Variants in NRAP observed in about 807,000 individuals in gnomAD.
NRAP encodes nebulin related anchoring protein.
NRAP carries 189 observed loss-of-function variants against 225.9 expected under a neutral mutation model. That is an observed-to-expected ratio of 0.84 (90% CI 0.74 to 0.94). The LOEUF is 0.94. Ranked by LOEUF, NRAP falls within the 40% of genes least tolerant of loss-of-function variation. The pLI, the probability that NRAP is intolerant of heterozygous loss-of-function variation, is 0.00. For synonymous variants in NRAP, 769 were observed against 790.7 expected (o/e 0.97, Z 0.46); for missense variants, 2,176 against 2,168.7 (o/e 1.00, Z -0.07).
chr10:113,589,958 C>T (rs1372709234), intron 40 of NRAP, among the ~76,000 whole-genome samples, 161 bp from the exon 41 acceptor site: 3 of 152,226 alleles, frequency 2.0e-5, no homozygotes, highest in Admixed American at 2.0e-4. Context: ...AGCAGCATCT[C>T]CCTGGCACAG....
intron 3 of NRAP, among the ~76,000 whole-genome samples, chr10:113,661,943 C>T (rs191220766): frequency 2.1e-3 from 314 of 152,296 alleles, no homozygotes; most frequent in Non-Finnish European, 3.2e-3. Context: ...GTTCCAACTA[C>T]GTAAGCATTG....
Position 113,604,912 on chromosome 10 carries a change from G to A in NRAP, c.3924C>T (p.Tyr1308=), listed in dbSNP as rs766067210. 3.9e-5 allele frequency: 62 copies of A among 1,609,696 alleles called. No homozygotes were observed. Among genetic ancestry groups the A allele is most frequent in the Non-Finnish European group, 4.9e-5 (58 of 1,176,706 alleles). The change falls in exon 35 of 42, where the codon TAC becomes TAT. Residue 1308 remains tyrosine (Y), a synonymous_variant. Coordinates refer to ENST00000359988, the MANE Select transcript of NRAP (RefSeq NM_198060.4). ...ASGDIASDFL[Y]RHDFVKERGK... ...CTCGCTCCTTCACAAAGTCATGTCT[G>A]TAGAGAAACTGCAAGAAAGGGCTGG...
chr10:113,623,489 G>A, intron 23 of NRAP, 40 bp downstream of exon 23: 1 of 1,331,128 alleles, frequency 7.5e-7, no homozygotes, highest in Non-Finnish European at 1.1e-6. Context: ...TAAAAAGGCA[G>A]GATTCTGCGG....
At chr10:113,631,750 A>G (rs537925679) in intron 17 of NRAP, 107 bp downstream of exon 17, 2 of 890,664 alleles carry the variant, frequency 2.2e-6, no homozygotes, top group Non-Finnish European at 3.7e-6. Context: ...AGATTAAAGT[A>G]TTGCGATGTT....
At chr10:113,612,165 G>A (rs2133933563) in intron 30 of NRAP, 69 bp downstream of exon 30, 2 of 1,283,628 alleles carry the variant, frequency 1.6e-6, no homozygotes, top group East Asian at 4.6e-5. Flanking sequence ...GCCAACAGGA[G>A]CCTGGAGGTC....
intron 5 of NRAP, among the ~76,000 whole-genome samples, chr10:113,653,254 C>G (rs1395034970): frequency 6.6e-6 from 1 of 152,200 alleles, no homozygotes; most frequent in Non-Finnish European, 1.5e-5. Context: ...GGCTCCTCTT[C>G]AATGTTCATA....
intron 32 of NRAP, 69 bp downstream of exon 32, chr10:113,608,345 A>G (rs1847119841): frequency 6.4e-6 from 6 of 941,080 alleles, no homozygotes; most frequent in South Asian, 5.8e-5. Flanking sequence ...CCCCAAACAC[A>G]TTCACGTGTA....
Position 113,631,529 on chromosome 10 carries a change from T to C in NRAP, c.1822A>G (p.Ile608Val). 6.2e-7 allele frequency: 1 copy of C among 1,609,058 alleles called. No homozygotes were observed. ...ADSRLLHSLQ[I>V]AKMSSEVEYK... ...TTTACCTCACTGCTCATCTTAGCAA[T>C]CTGCAGGGAGTGCAGAAGCCTAGAG... Residue 608 changes from isoleucine (I) to valine (V), a missense_variant, in exon 18 of 42, where the codon ATT (isoleucine) becomes GTT (valine). Transcript: ENST00000359988.
intron 11 of NRAP, among the ~76,000 whole-genome samples, chr10:113,644,730 G>T (rs1212414863): frequency 6.6e-6 from 1 of 152,184 alleles, no homozygotes; most frequent in African/African-American, 2.4e-5. Context: ...CAAGTTAGAG[G>T]ATCACGGGTT....
intron 22 of NRAP, among the ~76,000 whole-genome samples, chr10:113,624,550 T>G (rs768169841): frequency 6.6e-6 from 1 of 152,128 alleles, no homozygotes; most frequent in Admixed American, 6.5e-5. Flanking sequence ...ATTATGCTGT[T>G]TCAACTCTGG....
intron 37 of NRAP, 24 bp downstream of exon 37, chr10:113,597,062 G>T (rs1185001116): frequency 1.6e-5 from 24 of 1,500,530 alleles, no homozygotes; most frequent in Non-Finnish European, 2.1e-5. Context: ...GCATGCCCGG[G>T]ATGAATGACA....
Position 113,659,377 on chromosome 10 carries a change from C to G in NRAP, c.256-1803G>C, listed in dbSNP as rs114976173. 4.3e-3 allele frequency among the ~76,000 whole-genome samples: 656 copies of G among 152,264 alleles called. 8 individuals carry two copies. Among genetic ancestry groups the G allele is most frequent in the African/African-American group, 0.014 (600 of 41,552 alleles). Reference sequence around the variant, plus strand: ...GTCCCAGACATTAACAAATGTCCCCCAGGTAGGGGTTGGGGGGAACTGCCC... The same window carrying G: ...GTCCCAGACATTAACAAATGTCCCCGAGGTAGGGGTTGGGGGGAACTGCCC... On this transcript the variant is annotated intron_variant, in intron 3 of 41. Coordinates refer to ENST00000359988, the MANE Select transcript of NRAP (RefSeq NM_198060.4).
Position 113,645,808 on chromosome 10 carries a change from T to A in NRAP, c.1110+17A>T. 2 of 1,252,380 alleles carry A rather than the reference T, an allele frequency of 1.6e-6. No individual in the cohort carries two copies. Among genetic ancestry groups the A allele is most frequent in the Non-Finnish European group, 2.3e-6 (2 of 857,014 alleles). The allele number at this position is 1,252,380 out of a possible 1,614,324, so 77.6% of individuals were successfully genotyped here. A position where few individuals can be genotyped will look rare whatever the true frequency, so the allele number is the denominator to read the frequency against. ...AAGAGGTGATGCTCATGGGTGTGAC[T>A]CTTCCCCCATACGCACCTCACTCAC... On this transcript the variant is annotated intron_variant, in intron 11 of 41. Transcript: ENST00000359988.
chr10:113,620,079 G>A (rs956749717), intron 25 of NRAP, among the ~76,000 whole-genome samples: 6 of 152,264 alleles, frequency 3.9e-5, no homozygotes, highest in East Asian at 3.9e-4. Context: ...ACGAAGAAAC[G>A]ACTCTTTTCG....
At chr10:113,647,751 G>C (rs187469839) in intron 9 of NRAP, among the ~76,000 whole-genome samples, 2 of 151,390 alleles carry the variant, frequency 1.3e-5, no homozygotes, top group East Asian at 1.9e-4. Context: ...ACCAGAAAAG[G>C]AGTATTAAAC....
chr10:113,609,115 G>A (rs866683563), intron 31 of NRAP, among the ~76,000 whole-genome samples: 10 of 152,254 alleles, frequency 6.6e-5, no homozygotes, highest in Non-Finnish European at 1.2e-4. Context: ...GGCTGAGATC[G>A]CACCATTGCA....
chr10:113,660,372 C>T (rs922417088), intron 3 of NRAP, among the ~76,000 whole-genome samples: 2 of 152,040 alleles, frequency 1.3e-5, no homozygotes, highest in African/African-American at 2.4e-5. Context: ...GATGCACACA[C>T]ACATATATAT....
At chr10:113,602,671 C>T (rs1846675876) in intron 35 of NRAP, among the ~76,000 whole-genome samples, 1 of 152,170 alleles carries the variant, frequency 6.6e-6, no homozygotes, top group Admixed American at 6.5e-5. Flanking sequence ...TTAGAATACC[C>T]CACTTGTTGC....
chr10:113,610,304 C>T (rs1196392258), intron 31 of NRAP, among the ~76,000 whole-genome samples, 155 bp downstream of exon 31: 5 of 148,026 alleles, frequency 3.4e-5, no homozygotes, highest in Admixed American at 1.4e-4. Context: ...GAGCAGAGAT[C>T]GTGCCACTCT....
Sources: gnomAD v4.1 joint callset for allele counts (sites outside exome capture counted in the v4.1 genomes callset) on GRCh38, gnomAD v4.1.1 for gene constraint, MANE v1.5 for transcripts, NCBI Gene and HGNC (gene_info 2026-07-23, HGNC 2026-07-21) for gene names.